PMM2: variants seen among roughly 807,000 people sequenced by gnomAD.
PMM2 encodes the protein mannose-6-phosphate isomerase.
PMM2 carries 35 observed loss-of-function variants against 33.2 expected under a neutral mutation model. The ratio of observed to expected loss-of-function variants is 1.06; its 90% CI spans 0.81 to 1.40. The LOEUF (loss-of-function observed/expected upper bound fraction) is 1.40. Among genes scored for constraint, PMM2 ranks in the 40% most tolerant of loss-of-function variants. PMM2 has a pLI of 0.00. For missense variants in PMM2, 386 were observed against 306.0 expected (o/e 1.26, Z -1.95); for synonymous variants, 153 against 114.7 (o/e 1.33, Z -2.13).
intron 7 of PMM2, among the ~76,000 whole-genome samples, chr16:8,839,882 A>AATCT (rs1555452424): frequency 7.2e-6 from 1 of 139,004 alleles, no homozygotes; most frequent in African/African-American, 2.7e-5. Context: ...GAGAAAGGAG[A>AATCT]AAGGAGAAAG....
chr16:8,842,847 C>G (rs1004603785), intron 7 of PMM2, among the ~76,000 whole-genome samples: 2 of 151,784 alleles, frequency 1.3e-5, no homozygotes, highest in Non-Finnish European at 2.9e-5. Context: ...TGGCGTTGAG[C>G]GGGGTAAGGG....
In PMM2 at chr16:8,836,774, G is replaced by A. The variant is rs930080810; in HGVS notation, c.640-10950G>A. On this transcript the variant is annotated intron_variant, in intron 7 of 7. Coordinates refer to ENST00000268261, the MANE Select transcript of PMM2 (RefSeq NM_000303.3). Reference sequence around the variant, plus strand: ...CTTTTAGGGTCTAGGGCTGTAAAGCGTGTCAGGGTTGCTGCCAAACGAGCC... The same window carrying A: ...CTTTTAGGGTCTAGGGCTGTAAAGCATGTCAGGGTTGCTGCCAAACGAGCC... Among the ~76,000 whole-genome samples, 9 of 152,032 alleles carry A rather than the reference G, an allele frequency of 5.9e-5. No homozygotes were observed. In the South Asian group the frequency reaches 8.3e-4, roughly 14 times the overall value.
At chr16:8,805,104 C>T (rs1293165261) in intron 3 of PMM2, among the ~76,000 whole-genome samples, 2 of 152,058 alleles carry the variant, frequency 1.3e-5, no homozygotes, top group African/African-American at 2.4e-5. Flanking sequence ...CAGGCTGGAG[C>T]TGGAGTGCAG....
intron 7 of PMM2, among the ~76,000 whole-genome samples, chr16:8,846,061 C>A (rs947972653): frequency 1.3e-5 from 2 of 152,186 alleles, no homozygotes; most frequent in African/African-American, 4.8e-5. Flanking sequence ...CTGTGTAAGG[C>A]CAGTACAAGG....
chr16:8,828,788 C>G (rs761304433), intron 7 of PMM2, among the ~76,000 whole-genome samples: 3 of 152,194 alleles, frequency 2.0e-5, no homozygotes, highest in Non-Finnish European at 4.4e-5. Flanking sequence ...ACAGAGGATG[C>G]AGCTGTGAGT....
chr16:8,806,173 A>G (rs1269041394), intron 3 of PMM2, 143 bp from the exon 4 acceptor site: 9 of 695,070 alleles, frequency 1.3e-5, no homozygotes, highest in Non-Finnish European at 2.4e-5. Context: ...AAGGAATTAA[A>G]CAGACAGTGG....
chr16:8,798,248 G>A (rs1596482093), intron 1 of PMM2, among the ~76,000 whole-genome samples: 1 of 152,210 alleles, frequency 6.6e-6, no homozygotes, highest in South Asian at 2.1e-4. Flanking sequence ...TGATAGACCA[G>A]GATTTCAACC....
chr16:8,837,959 A>G (rs915120173), intron 7 of PMM2, among the ~76,000 whole-genome samples: 1 of 152,058 alleles, frequency 6.6e-6, no homozygotes, highest in Admixed American at 6.5e-5. Context: ...ATTAAGGGAG[A>G]GATTGAAGTG....
chr16:8,803,030 A>G (rs1003487406), intron 2 of PMM2, among the ~76,000 whole-genome samples: 3 of 152,154 alleles, frequency 2.0e-5, no homozygotes, highest in African/African-American at 7.2e-5. Flanking sequence ...GCAACATCCC[A>G]GGCCTCTACC....
chr16:8,814,973 A>G (rs2141025575), intron 7 of PMM2, among the ~76,000 whole-genome samples: 1 of 152,270 alleles, frequency 6.6e-6, no homozygotes, highest in African/African-American at 2.4e-5. Flanking sequence ...CCCATTGAAC[A>G]ACAACTCTCC....
At chr16:8,841,626 A>G (rs1411023472) in intron 7 of PMM2, among the ~76,000 whole-genome samples, 28 of 147,694 alleles carry the variant, frequency 1.9e-4, no homozygotes, top group African/African-American at 6.5e-4. Flanking sequence ...GTACTATAGC[A>G]TAGCCTGCCT....
intron 1 of PMM2, 39 bp from the exon 2 acceptor site, chr16:8,801,760 G>A (rs1373239834): frequency 8.1e-7 from 1 of 1,232,910 alleles, no homozygotes; most frequent in African/African-American, 1.5e-5. Flanking sequence ...TGATTATTGT[G>A]TGGCTTATGA....
At chr16:8,816,743 A>G (rs2060710711) in intron 7 of PMM2, among the ~76,000 whole-genome samples, 1 of 152,270 alleles carries the variant, frequency 6.6e-6, no homozygotes, top group Admixed American at 6.5e-5. Flanking sequence ...CTCGGTCTCA[A>G]AAAGATAAAA....
At position 8,833,417 on chromosome 16, in the gene PMM2, C is replaced by T. The variant is rs374725865; in HGVS notation, c.640-14307C>T. Among the ~76,000 whole-genome samples, 97 of 152,282 alleles carry T rather than the reference C, an allele frequency of 6.4e-4. No individual in the cohort carries two copies. The South Asian group carries it at 0.019, about 30-fold the overall frequency. Reference sequence around the variant, plus strand: ...TTACTTCAGGCCATCTGGATGTATACGTGCAAGTCACAGGGGATGCGATGG... The same window carrying T: ...TTACTTCAGGCCATCTGGATGTATATGTGCAAGTCACAGGGGATGCGATGG... On this transcript the variant is annotated intron_variant, in intron 7 of 7. Transcript: ENST00000268261.
At position 8,811,612 on chromosome 16, in the gene PMM2, AATTGGT is replaced by A. The variant is rs747968957; in HGVS notation, c.448-23_448-18del. The A allele has an allele frequency of 1.9e-5, 27 of 1,443,992 alleles. No individual in the cohort carries two copies. The Admixed American group carries it at 3.2e-4, about 17-fold the overall frequency. The allele number at this position is 1,443,992 out of a possible 1,614,324, so 89.4% of individuals were successfully genotyped here. Reference sequence around the variant, plus strand: ...CTTTCTAAACTGCAATACAAGAAACAATTGGTATCTTTTTGTTTTTCTCAGAAAGAA... The same window carrying A: ...CTTTCTAAACTGCAATACAAGAAACAATCTTTTTGTTTTTCTCAGAAAGAA... On this transcript the variant is annotated intron_variant, in intron 5 of 7. Transcript: ENST00000268261.
At position 8,797,871 on chromosome 16, in the gene PMM2, G is replaced by C; in HGVS notation, c.-12G>C. On this transcript the variant is annotated 5_prime_UTR_variant, in exon 1 of 8. Transcript: ENST00000268261. Reference sequence around the variant, plus strand: ...CAACGTGTCTTGTAAGGTGCGGCTAGAAACTGGGGACATGGCAGCGCCTGG... The same window carrying C: ...CAACGTGTCTTGTAAGGTGCGGCTACAAACTGGGGACATGGCAGCGCCTGG... 1 of 1,611,138 alleles carries C rather than the reference G, an allele frequency of 6.2e-7. No homozygotes were observed. Among genetic ancestry groups the C allele is most frequent in the Non-Finnish European group, 8.5e-7 (1 of 1,179,002 alleles).
At chr16:8,814,398 T>G (rs766998568) in intron 7 of PMM2, among the ~76,000 whole-genome samples, 1 of 152,214 alleles carries the variant, frequency 6.6e-6, no homozygotes, top group Non-Finnish European at 1.5e-5. Context: ...CTCGCCATCC[T>G]GCACCTAGCA....
intron 7 of PMM2, among the ~76,000 whole-genome samples, chr16:8,843,832 G>C (rs187169741): frequency 1.3e-5 from 2 of 152,224 alleles, no homozygotes; most frequent in African/African-American, 4.8e-5. Flanking sequence ...GGGTCTAGGG[G>C]CTGAGGAAGA....
chr16:8,805,580 A>G (rs1046472877), intron 3 of PMM2, among the ~76,000 whole-genome samples: 13 of 150,820 alleles, frequency 8.6e-5, no homozygotes, highest in African/African-American at 9.9e-5. Flanking sequence ...CTGCTTCACT[A>G]TAAGCATTTT....
Sources: allele counts gnomAD v4.1 joint callset (sites outside exome capture counted in the v4.1 genomes callset), GRCh38; gene constraint gnomAD v4.1.1; transcripts MANE v1.5; gene names NCBI Gene and HGNC (gene_info 2026-07-23, HGNC 2026-07-21).